The following CAST variants were observed in gnomAD, a reference collection of about 807,000 sequenced individuals.
CAST encodes the protein MIR583 host.
CAST carries 76 observed loss-of-function variants against 119.6 expected under a neutral mutation model. The ratio of observed to expected loss-of-function variants is 0.64; its 90% confidence interval spans 0.53 to 0.77. CAST has a LOEUF of 0.77. Among genes scored for constraint, CAST ranks in the 30% least tolerant of loss-of-function variants. The probability of loss-of-function intolerance (pLI) is 0.00; values close to 1 mark genes in which losing one functional copy is unlikely to be tolerated. For missense variants in CAST, 953 were observed against 946.5 expected (o/e 1.01, Z -0.09); for synonymous variants, 319 against 331.6 (o/e 0.96, Z 0.41).
chr5:96,430,193 C>T, the CAST span, among the ~76,000 whole-genome samples: 1 of 152,172 alleles, frequency 6.6e-6, no homozygotes, highest in Non-Finnish European at 1.5e-5. Flanking sequence ...TTGTACTTCT[C>T]CGGGTATCTA....
chr5:96,000,512 C>G, the CAST span, among the ~76,000 whole-genome samples: 1 of 152,262 alleles, frequency 6.6e-6, no homozygotes, highest in Non-Finnish European at 1.5e-5. Context: ...GGGAGCTTCG[C>G]TGTGTAGTAG....
the CAST span, among the ~76,000 whole-genome samples, chr5:96,025,217 C>T: frequency 6.6e-6 from 1 of 151,982 alleles, no homozygotes; most frequent in Non-Finnish European, 1.5e-5. Context: ...TTCTGGAGGC[C>T]GGGAAAGTCC....
At chr5:96,429,235 T>C in the CAST span, 5 of 1,571,228 alleles carry the variant, frequency 3.2e-6, no homozygotes, top group Non-Finnish European at 4.4e-6. Context: ...AGATAATCTC[T>C]TAGTGATATG....
the CAST span, among the ~76,000 whole-genome samples, chr5:96,057,443 T>C: frequency 2.0e-5 from 3 of 152,210 alleles, no homozygotes; most frequent in Non-Finnish European, 4.4e-5. Flanking sequence ...ATACTATCAA[T>C]TGACTTCTTT....
At chr5:96,361,274 G>A in the CAST span, among the ~76,000 whole-genome samples, 1 of 152,154 alleles carries the variant, frequency 6.6e-6, no homozygotes, top group South Asian at 2.1e-4. Flanking sequence ...GGCTCTGCGG[G>A]GGTGGGGTCC....
At chr5:96,028,216 TA>T in the CAST span, among the ~76,000 whole-genome samples, 4 of 152,034 alleles carry the variant, frequency 2.6e-5, no homozygotes, top group Non-Finnish European at 4.4e-5. Flanking sequence ...ATTACAGATA[TA>T]ATTACTAGAA....
At chr5:96,754,782 T>C (rs1406923824) in intron 22 of CAST, 41 bp downstream of exon 22, 2 of 1,111,426 alleles carry the variant, frequency 1.8e-6, no homozygotes, top group Non-Finnish European at 1.4e-6. Flanking sequence ...TTTTAATTCA[T>C]ACTGAATTCA....
chr5:96,359,806 G>A, the CAST span, among the ~76,000 whole-genome samples: 2 of 152,068 alleles, frequency 1.3e-5, no homozygotes, highest in Admixed American at 6.5e-5. Context: ...TGAAGATTAT[G>A]TGTCTTGGGG....
At chr5:96,402,003 A>G in the CAST span, among the ~76,000 whole-genome samples, 1 of 152,214 alleles carries the variant, frequency 6.6e-6, no homozygotes, top group African/African-American at 2.4e-5. Flanking sequence ...GAAGCCAATC[A>G]AGCATTATGT....
At chr5:96,200,605 C>T in the CAST span, among the ~76,000 whole-genome samples, 1 of 152,114 alleles carries the variant, frequency 6.6e-6, no homozygotes, top group African/African-American at 2.4e-5. Flanking sequence ...TCCTTTAATT[C>T]TTACCTGTTA....
chr5:96,578,507 T>C (rs921614991), intron 1 of CAST, among the ~76,000 whole-genome samples: 1 of 152,098 alleles, frequency 6.6e-6, no homozygotes, highest in African/African-American at 2.4e-5. Flanking sequence ...ATTTCCTCTG[T>C]TTATCTTTTA....
chr5:96,280,413 C>T, the CAST span, among the ~76,000 whole-genome samples: 1 of 152,164 alleles, frequency 6.6e-6, no homozygotes, highest in African/African-American at 2.4e-5. Flanking sequence ...AATGAAATGA[C>T]TAACAATGAA....
the CAST span, among the ~76,000 whole-genome samples, chr5:96,278,045 T>G: frequency 6.6e-6 from 1 of 152,092 alleles, no homozygotes; most frequent in Non-Finnish European, 1.5e-5. Flanking sequence ...GAGTTTTTTT[T>G]TTTCAATTTT....
At chr5:96,571,125 C>A (rs370807514) in intron 1 of CAST, among the ~76,000 whole-genome samples, 28 of 152,246 alleles carry the variant, frequency 1.8e-4, no homozygotes, top group Middle Eastern at 3.4e-3. Context: ...TCCAAGAATC[C>A]AGACCTGTCA....
At chr5:96,612,102 G>A (rs261200) in intron 1 of CAST, among the ~76,000 whole-genome samples, 81,785 of 151,964 alleles carry the variant, frequency 0.54, 21,997 homozygotes, top group African/African-American at 0.58. Flanking sequence ...GTGTCTATCC[G>A]AAGGAAAAGA....
chr5:96,186,033 T>TC, the CAST span, among the ~76,000 whole-genome samples: 1 of 152,170 alleles, frequency 6.6e-6, no homozygotes, highest in East Asian at 1.9e-4. Context: ...CTTTGTGCAG[T>TC]GGTTTATAGT....
chr5:96,156,149 T>C, the CAST span, among the ~76,000 whole-genome samples: 2 of 152,372 alleles, frequency 1.3e-5, no homozygotes, highest in African/African-American at 2.4e-5. Context: ...ACTCTCAGGC[T>C]GACTTTCCAA....
chr5:96,229,895 G>C, the CAST span, among the ~76,000 whole-genome samples: 1 of 152,002 alleles, frequency 6.6e-6, no homozygotes, highest in Non-Finnish European at 1.5e-5. Context: ...TCCTCCCCCC[G>C]TGTTCCTTCT....
At chr5:96,004,218 C>T in the CAST span, among the ~76,000 whole-genome samples, 1 of 152,182 alleles carries the variant, frequency 6.6e-6, no homozygotes, top group African/African-American at 2.4e-5. Context: ...AATGCTGTGG[C>T]TAATTGTTAT....
Sources: gnomAD v4.1 joint callset for allele counts (sites outside exome capture counted in the v4.1 genomes callset) on GRCh38, gnomAD v4.1.1 for gene constraint, MANE v1.5 for transcripts, NCBI Gene and HGNC (gene_info 2026-07-23, HGNC 2026-07-21) for gene names.